The following NIBAN1 variants were observed in gnomAD, a reference collection of about 807,000 sequenced individuals.
NIBAN1 encodes the protein protein Niban 1.
Under a neutral mutation model 75.1 loss-of-function variants are expected in NIBAN1, and 81 were observed. The ratio of observed to expected loss-of-function variants is 1.08; its 90% CI spans 0.90 to 1.30. NIBAN1 has a LOEUF of 1.30. Among genes scored for constraint, NIBAN1 ranks in the 50% most tolerant of loss-of-function variants. NIBAN1 has a pLI of 0.00. For missense variants in NIBAN1, 1,133 were observed against 1,128.1 expected (o/e 1.00, Z -0.06); for synonymous variants, 436 against 424.8 (o/e 1.03, Z -0.32).
At chr1:184,965,205 A>G (rs1036402231) in intron 1 of NIBAN1, among the ~76,000 whole-genome samples, 4 of 152,092 alleles carry the variant, frequency 2.6e-5, no homozygotes, top group Admixed American at 2.0e-4. Context: ...AGGCTGACGC[A>G]GGAGAATGGC....
rs939275397 is a variant in NIBAN1, at chr1:184,928,074, G to A, written c.56-28765C>T. ...CTTTAGCCAGCAGGTGATGAATCCA[G>A]CCAGAACTGGGGCCTTCCCTTCAAG... is the stretch of plus-strand genomic sequence containing the variant. On this transcript the variant is annotated intron_variant, in intron 1 of 13. Coordinates refer to ENST00000367511, the MANE Select transcript of NIBAN1 (RefSeq NM_052966.4). 2.6e-5 allele frequency among the ~76,000 whole-genome samples: 4 copies of A among 152,096 alleles called. No individual in the cohort carries two copies. The East Asian group carries it at 5.8e-4, about 22-fold the overall frequency.
At chr1:184,836,814 G>C (rs1361586667) in intron 5 of NIBAN1, among the ~76,000 whole-genome samples, 1 of 151,888 alleles carries the variant, frequency 6.6e-6, no homozygotes, top group Non-Finnish European at 1.5e-5. Flanking sequence ...TTCCATAAAG[G>C]AAAAAAGATC....
chr1:184,946,328 A>G (rs902943201), intron 1 of NIBAN1, among the ~76,000 whole-genome samples: 1 of 152,242 alleles, frequency 6.6e-6, no homozygotes, highest in African/African-American at 2.4e-5. Context: ...ATTAGTAAAG[A>G]GATTTAAAGT....
At chr1:184,907,881 C>T (rs1357574072) in intron 1 of NIBAN1, among the ~76,000 whole-genome samples, 2 of 152,154 alleles carry the variant, frequency 1.3e-5, no homozygotes, top group Admixed American at 6.5e-5. Flanking sequence ...AGAAATCCCA[C>T]CTTGAGTTAA....
chr1:184,934,818 C>T (rs1226496424), intron 1 of NIBAN1, among the ~76,000 whole-genome samples: 1 of 152,118 alleles, frequency 6.6e-6, no homozygotes, highest in Non-Finnish European at 1.5e-5. Context: ...TCGCTTGAAT[C>T]TGGGAGGCAG....
At chr1:184,955,311 C>CCTTTCCTTTG (rs966172915) in intron 1 of NIBAN1, among the ~76,000 whole-genome samples, 17 of 122,990 alleles carry the variant, frequency 1.4e-4, no homozygotes, top group Non-Finnish European at 2.3e-4. Flanking sequence ...CTTTTCTTTT[C>CCTTTCCTTTG]CTTTCCTTTC....
At chr1:184,823,813 A>T in intron 6 of NIBAN1, 71 bp from the exon 7 acceptor site, 5 of 1,331,448 alleles carry the variant, frequency 3.8e-6, no homozygotes, top group Non-Finnish European at 4.3e-6. Context: ...GCCAACTAAA[A>T]ATGTCCTGAT....
At chr1:184,895,470 T>C (rs1040396169) in intron 2 of NIBAN1, among the ~76,000 whole-genome samples, 1 of 152,232 alleles carries the variant, frequency 6.6e-6, no homozygotes, top group African/African-American at 2.4e-5. Context: ...CTTATCCCTA[T>C]GTACTCATGC....
At chr1:184,896,152 G>T (rs558839442) in intron 2 of NIBAN1, among the ~76,000 whole-genome samples, 10 of 152,102 alleles carry the variant, frequency 6.6e-5, no homozygotes, top group Non-Finnish European at 1.3e-4. Context: ...TTCCGTAGGG[G>T]TTGAACTAAT....
intron 1 of NIBAN1, among the ~76,000 whole-genome samples, chr1:184,925,068 A>G (rs1285645563): frequency 1.3e-5 from 2 of 151,846 alleles, no homozygotes; most frequent in African/African-American, 4.8e-5. Context: ...TTAGCTGCTT[A>G]TTATAATATC....
chr1:184,822,547 T>G (rs1654731666), intron 8 of NIBAN1, among the ~76,000 whole-genome samples: 3 of 152,130 alleles, frequency 2.0e-5, no homozygotes, highest in Admixed American at 1.3e-4. Context: ...CCAATCCCAC[T>G]CCTGTGGGTC....
rs191053477 is a variant in NIBAN1, at chr1:184,856,914, T to C, written c.602-24952A>G. Among the ~76,000 whole-genome samples the C allele has an allele frequency of 2.0e-5, 3 of 152,282 alleles. No homozygotes were observed. In the East Asian group the frequency reaches 5.8e-4, roughly 29 times the overall value. ...CTGGTTTGGAATATGGATGTTTTCATGGAACAGGGAGCTAAGTAGACATGG... is the reference window on the plus strand; with the variant it reads ...CTGGTTTGGAATATGGATGTTTTCACGGAACAGGGAGCTAAGTAGACATGG... On this transcript the variant is annotated intron_variant, in intron 5 of 13. Coordinates refer to ENST00000367511, the MANE Select transcript of NIBAN1 (RefSeq NM_052966.4).
chr1:184,899,351 A>G, intron 1 of NIBAN1, 42 bp from the exon 2 acceptor site: 2 of 1,602,114 alleles, frequency 1.2e-6, no homozygotes, highest in Non-Finnish European at 1.7e-6. Flanking sequence ...TATAGCACAG[A>G]ATATACACCT....
intron 4 of NIBAN1, among the ~76,000 whole-genome samples, chr1:184,886,329 G>A (rs774585957): frequency 5.3e-5 from 8 of 152,146 alleles, no homozygotes; most frequent in South Asian, 2.1e-4. Flanking sequence ...GTTCCCCTCC[G>A]CAAGGAGCAG....
intron 12 of NIBAN1, among the ~76,000 whole-genome samples, chr1:184,801,193 A>G (rs1654031607): frequency 6.6e-6 from 1 of 152,144 alleles, no homozygotes; most frequent in Non-Finnish European, 1.5e-5. Flanking sequence ...ACAGCAGGTG[A>G]TCAGAAGCAC....
In NIBAN1 at chr1:184,795,426, C is replaced by CCTCG. The variant is rs777499981; in HGVS notation, c.2334_2337dup (p.Ala780ArgfsTer48). On this transcript the variant is annotated frameshift_variant, in exon 14 of 14. Coordinates refer to ENST00000367511, the MANE Select transcript of NIBAN1 (RefSeq NM_052966.4). LOFTEE classifies it low-confidence loss of function (END_TRUNC). ...AATCCCCCCAACTCCTCCCCATGGG[C>CCTCG]CTCGGGACAGGGAGGTTGGGCCTCC... The CCTCG allele has an allele frequency of 3.1e-6, 5 of 1,607,078 alleles. No individual in the cohort carries two copies. The highest frequency in any genetic ancestry group is 1.7e-4 in the Middle Eastern group (1 of 5,998).
intron 5 of NIBAN1, among the ~76,000 whole-genome samples, chr1:184,860,028 T>C (rs1254248188): frequency 1.3e-5 from 2 of 152,122 alleles, no homozygotes; most frequent in Non-Finnish European, 2.9e-5. Context: ...GAAGTGGTCA[T>C]GTCCATGCAA....
chr1:184,806,451 G>A (rs1654200728), intron 10 of NIBAN1, among the ~76,000 whole-genome samples: 1 of 152,174 alleles, frequency 6.6e-6, no homozygotes, highest in Admixed American at 6.5e-5. Flanking sequence ...CTCTCTGCAG[G>A]GCTGGGAAGA....
intron 1 of NIBAN1, among the ~76,000 whole-genome samples, chr1:184,949,249 G>A (rs772289129): frequency 3.3e-4 from 50 of 152,064 alleles, no homozygotes; most frequent in Non-Finnish European, 6.8e-4. Flanking sequence ...TCCCAGCTAC[G>A]TGGGAGGCTG....
Sources: gnomAD v4.1 joint callset for allele counts (sites outside exome capture counted in the v4.1 genomes callset) on GRCh38, gnomAD v4.1.1 for gene constraint, MANE v1.5 for transcripts, NCBI Gene and HGNC (gene_info 2026-07-23, HGNC 2026-07-21) for gene names.